The following HPS5 variants were observed in gnomAD, a reference collection of about 807,000 sequenced individuals.
The protein encoded by HPS5 is BLOC-2 complex member HPS5.
In HPS5, 83 loss-of-function variants were observed where a neutral mutation model predicts 128.0. The observed-to-expected ratio is 0.65, with a 90% CI of 0.54 to 0.78. The LOEUF is 0.78. HPS5 is among the 30% of genes least tolerant of loss of function. The pLI, the probability that HPS5 is intolerant of heterozygous loss-of-function variation, is 0.00. For synonymous variants in HPS5, 475 were observed against 470.2 expected (o/e 1.01, Z -0.13); for missense variants, 1,281 against 1,326.2 (o/e 0.97, Z 0.53).
intron 19 of HPS5, 40 bp downstream of exon 19, chr11:18,286,551 A>G: frequency 6.2e-7 from 1 of 1,604,532 alleles, no homozygotes; most frequent in Non-Finnish European, 8.5e-7. Context: ...CAAAAAAAAA[A>G]AGTAAAGAAA....
In HPS5 at chr11:18,291,716, T is replaced by G; in HGVS notation, c.2166A>C (p.Gln722His). 1 of 1,614,222 alleles carries G rather than the reference T, an allele frequency of 6.2e-7. No individual in the cohort carries two copies. Among genetic ancestry groups the G allele is most frequent in the South Asian group, 1.1e-5 (1 of 91,086 alleles). Residue 722 changes from glutamine (Q) to histidine (H), a missense_variant, in exon 16 of 23, where the codon CAA (glutamine) becomes CAC (histidine). Physicochemically the swap from Gln to His is conservative, Grantham distance 24. Transcript: ENST00000349215. ...TTGCAATGGCGCATGGAGAACATAT[T>G]TGAAACAGGTCATCCAAAGACTCCC... ...SPRESLDDLF[Q>H]ICSPCAIASG... is the part of the protein sequence containing the mutation.
At chr11:18,291,239 A>C (rs1344051981) in intron 16 of HPS5, among the ~76,000 whole-genome samples, 3 of 152,148 alleles carry the variant, frequency 2.0e-5, no homozygotes, top group Non-Finnish European at 4.4e-5. Flanking sequence ...AAATTTAAAA[A>C]CTAATTTCTT....
In HPS5 at chr11:18,288,560, GGTGA is replaced by G. The variant is rs1860016777; in HGVS notation, c.2441-551_2441-548del. 1.3e-5 allele frequency among the ~76,000 whole-genome samples: 2 copies of G among 151,900 alleles called. 1 individual carries two copies. ...CCAAAAGTCACTTAAAATCAAGTCT[GGTGA>G]AAGGAGTGATGATCTAAAACTATTT... On this transcript the variant is annotated intron_variant, in intron 16 of 22. Transcript: ENST00000349215.
At chr11:18,290,685 G>A (rs1053456370) in intron 16 of HPS5, among the ~76,000 whole-genome samples, 1 of 152,166 alleles carries the variant, frequency 6.6e-6, no homozygotes, top group Non-Finnish European at 1.5e-5. Context: ...ATTTTGGGAG[G>A]CCAAGGTGGG....
chr11:18,300,469 G>A (rs1013269407), intron 9 of HPS5, among the ~76,000 whole-genome samples: 5 of 151,946 alleles, frequency 3.3e-5, no homozygotes, highest in Non-Finnish European at 5.9e-5. Flanking sequence ...GGCTGAGGCC[G>A]GCAGATCACC....
chr11:18,289,639 A>G (rs1387850708), intron 16 of HPS5, among the ~76,000 whole-genome samples: 2 of 152,238 alleles, frequency 1.3e-5, no homozygotes, highest in Non-Finnish European at 2.9e-5. Flanking sequence ...ATCTGTAACT[A>G]TAGATCCATG....
intron 1 of HPS5, among the ~76,000 whole-genome samples, chr11:18,318,123 G>C (rs988122001): frequency 1.3e-5 from 2 of 152,160 alleles, no homozygotes; most frequent in Non-Finnish European, 2.9e-5. Context: ...CGGATTCTCA[G>C]GGCCCTCCAT....
intron 18 of HPS5, 129 bp from the exon 19 acceptor site, chr11:18,286,839 G>A (rs1859796243): frequency 1.6e-6 from 2 of 1,214,504 alleles, no homozygotes; most frequent in Admixed American, 2.0e-5. Flanking sequence ...AAACTCTTCT[G>A]CTACAAAATG....
chr11:18,305,362 CA>C (rs1490385216), intron 8 of HPS5, 59 bp downstream of exon 8: 1 of 1,122,898 alleles, frequency 8.9e-7, no homozygotes, highest in Non-Finnish European at 1.4e-6. Flanking sequence ...GAACAAGAAA[CA>C]GAGATAAAAA....
chr11:18,296,861 C>T lies in HPS5; in HGVS notation c.1447G>A (p.Glu483Lys). 6.2e-7 allele frequency: 1 copy of T among 1,614,062 alleles called. No homozygotes were observed. The highest frequency in any genetic ancestry group is 8.5e-7 in the Non-Finnish European group (1 of 1,179,976). Residue 483 changes from glutamate (E) to lysine (K), a missense_variant, in exon 12 of 23, where the codon GAA (glutamate) becomes AAA (lysine). By Grantham distance (56) the Glu-to-Lys change is moderately conservative. Transcript: ENST00000349215. ...TCCTCTTCCTGCTGTGAGGTGAATT[C>T]TTTAAATCTCTCATCTTCTGAGAGG... ...QTLSEDERFK[E>K]FTSQQEEDLP...
chr11:18,309,553 G>A (rs1862734388), intron 5 of HPS5, among the ~76,000 whole-genome samples: 1 of 152,090 alleles, frequency 6.6e-6, no homozygotes, highest in Non-Finnish European at 1.5e-5. Flanking sequence ...TTTTTCACCT[G>A]TAGATAGCAC....
rs1026018525 is a variant in HPS5, at chr11:18,306,431, A to T, written c.612-84T>A. The T allele has an allele frequency of 2.8e-5, 23 of 819,226 alleles. No individual in the cohort carries two copies. In the African/African-American group the frequency reaches 3.2e-4, roughly 12 times the overall value. The allele number at this position is 819,226 out of a possible 1,614,324, so 50.7% of individuals were successfully genotyped here. A position where few individuals can be genotyped will look rare whatever the true frequency, so the allele number is the denominator to read the frequency against. On this transcript the variant is annotated intron_variant, in intron 6 of 22. Transcript: ENST00000349215. ...GGCACTACAAATCAGCATGGGCATA[A>T]TAACTCCACTCACAATGCCTTCTCC...
chr11:18,305,396 C>G, intron 8 of HPS5, 26 bp downstream of exon 8: 1 of 1,468,310 alleles, frequency 6.8e-7, no homozygotes, highest in Non-Finnish European at 9.5e-7. Flanking sequence ...TTTTCCCCCC[C>G]AGAACTAAGG....
At position 18,311,766 on chromosome 11, in the gene HPS5, C is replaced by G. The variant is rs1201348980; in HGVS notation, c.219+148G>C. On this transcript the variant is annotated intron_variant, in intron 3 of 22. Coordinates refer to ENST00000349215, the MANE Select transcript of HPS5 (RefSeq NM_181507.2). ...CCTCAGGTAATCCATCCGCCTTGGCCTCCCAAAATGCTGGGATTACAGGCG... is the reference window on the plus strand; with the variant it reads ...CCTCAGGTAATCCATCCGCCTTGGCGTCCCAAAATGCTGGGATTACAGGCG... 48 of 732,622 alleles carry G rather than the reference C, an allele frequency of 6.6e-5. No homozygotes were observed. The Admixed American group carries it at 8.8e-4, about 13-fold the overall frequency. 45.4% of individuals were successfully genotyped at this position (732,622 alleles called of 1,614,324 possible).
intron 1 of HPS5, among the ~76,000 whole-genome samples, chr11:18,318,143 C>T (rs576887971): frequency 6.6e-6 from 1 of 152,184 alleles, no homozygotes; most frequent in South Asian, 2.1e-4. Flanking sequence ...TAAGCCTATC[C>T]CCCTGTATTA....
At chr11:18,309,176 G>C (rs1862690218) in intron 5 of HPS5, 97 bp from the exon 6 acceptor site, 1 of 1,250,884 alleles carries the variant, frequency 8.0e-7, no homozygotes, top group Admixed American at 2.1e-5. Context: ...AACTTGAATA[G>C]CAAAATAAAA....
chr11:18,295,923 C>G, intron 13 of HPS5, 76 bp downstream of exon 13: 1 of 1,460,824 alleles, frequency 6.8e-7, no homozygotes. Flanking sequence ...ATTTTCCATT[C>G]TCAGCACAAA....
intron 9 of HPS5, 49 bp from the exon 10 acceptor site, chr11:18,299,019 T>C (rs1347843101): frequency 5.2e-6 from 8 of 1,548,610 alleles, no homozygotes; most frequent in Non-Finnish European, 7.1e-6. Context: ...CAAATACCCC[T>C]TACAATTTTA....
At chr11:18,287,502 A>C in intron 18 of HPS5, 33 bp downstream of exon 18, 2 of 1,611,400 alleles carry the variant, frequency 1.2e-6, no homozygotes, top group Non-Finnish European at 8.5e-7. Flanking sequence ...TGTCAAAAGA[A>C]AGGAGAGTCT....
Sources: gnomAD v4.1 joint callset for allele counts (sites outside exome capture counted in the v4.1 genomes callset) on GRCh38, gnomAD v4.1.1 for gene constraint, MANE v1.5 for transcripts, NCBI Gene and HGNC (gene_info 2026-07-23, HGNC 2026-07-21) for gene names.